The following IGSF9B variants were observed in gnomAD, a reference collection of about 807,000 sequenced individuals.
The protein encoded by IGSF9B is immunoglobulin superfamily member 9B.
Under a neutral mutation model 143.7 loss-of-function variants are expected in IGSF9B, and 48 were observed. The observed-to-expected ratio is 0.33, with a 90% confidence interval of 0.26 to 0.42. The LOEUF (loss-of-function observed/expected upper bound fraction) is 0.42. Among genes scored for constraint, IGSF9B ranks in the 20% least tolerant of loss-of-function variants. IGSF9B has a pLI of 1.00. For missense variants in IGSF9B, 1,706 were observed against 1,980.0 expected (o/e 0.86, Z 2.63); for synonymous variants, 903 against 833.1 (o/e 1.08, Z -1.44).
At chr11:133,932,354 ACAGG>A in intron 7 of IGSF9B, 141 bp from the exon 8 acceptor site, 3 of 814,004 alleles carry the variant, frequency 3.7e-6, no homozygotes, top group Non-Finnish European at 5.7e-6. Flanking sequence ...ACAGACAGAC[ACAGG>A]GACAGACAGA....
rs901280272 is a variant in IGSF9B, at chr11:133,904,616, C to T, written c.*4453G>A. 1.3e-5 allele frequency among the ~76,000 whole-genome samples: 2 copies of T among 152,014 alleles called. No homozygotes were observed. The highest frequency in any genetic ancestry group is 2.1e-4 in the South Asian group (1 of 4,814). On this transcript the variant is annotated 3_prime_UTR_variant, in exon 20 of 20. Coordinates refer to ENST00000533871, the MANE Select transcript of IGSF9B (RefSeq NM_001277285.4). ...AGATGCCCACCAGGCAATCATTCTT[C>T]GTCATCTTGGGATGATCCCCCAGTG...
At chr11:133,926,838 G>T (rs768131175) in intron 13 of IGSF9B, 78 bp downstream of exon 13, 3 of 1,264,110 alleles carry the variant, frequency 2.4e-6, no homozygotes, top group South Asian at 2.9e-5. Context: ...ACAGGAGGCC[G>T]ACTGCTATAG....
In IGSF9B at chr11:133,900,738, T is replaced by C. The variant is rs1281757459; in HGVS notation, c.*8331A>G. The C allele has an allele frequency of 1.3e-5, 2 of 152,238 alleles. No individual in the cohort carries two copies. The highest frequency in any genetic ancestry group is 3.8e-4 in the East Asian group (2 of 5,200). 9.4% of individuals were successfully genotyped at this position (152,238 alleles called of 1,614,324 possible). A position where few individuals can be genotyped will look rare whatever the true frequency, so the allele number is the denominator to read the frequency against. On this transcript the variant is annotated 3_prime_UTR_variant, in exon 20 of 20. Coordinates refer to ENST00000533871, the MANE Select transcript of IGSF9B (RefSeq NM_001277285.4). Reference sequence around the variant, plus strand: ...ATAACTGAAAAAAACATAGATGACATATTTATACTACATACCACATTCACA... The same window carrying C: ...ATAACTGAAAAAAACATAGATGACACATTTATACTACATACCACATTCACA...
Position 133,903,027 on chromosome 11 carries a change from G to A in IGSF9B, c.*6042C>T, listed in dbSNP as rs1287102804. Reference sequence around the variant, plus strand: ...TCCCCAGCCCAACCCCCTGCCCTCCGAGATTCCCTGCCCCTCCCACCACCT... The same window carrying A: ...TCCCCAGCCCAACCCCCTGCCCTCCAAGATTCCCTGCCCCTCCCACCACCT... On this transcript the variant is annotated 3_prime_UTR_variant, in exon 20 of 20. Transcript: ENST00000533871. Among the ~76,000 whole-genome samples, 10 of 138,660 alleles carry A rather than the reference G, an allele frequency of 7.2e-5. No homozygotes were observed. The East Asian group carries it at 8.8e-4, about 12-fold the overall frequency. The allele number at this position is 138,660 out of a possible 152,430, so 91.0% of individuals were successfully genotyped here. A position where few individuals can be genotyped will look rare whatever the true frequency, so the allele number is the denominator to read the frequency against.
chr11:133,937,708 C>G (rs1359941370), intron 4 of IGSF9B, 102 bp downstream of exon 4: 1 of 1,395,916 alleles, frequency 7.2e-7, no homozygotes, highest in Non-Finnish European at 9.8e-7. Flanking sequence ...CCAGCCTCCT[C>G]TGTGCTTGTG....
chr11:133,956,163 C>A (rs1206022946), intron 1 of IGSF9B, among the ~76,000 whole-genome samples: 1 of 152,054 alleles, frequency 6.6e-6, no homozygotes, highest in East Asian at 1.9e-4. Flanking sequence ...GGGGCGCGAG[C>A]GGAGCGATGG....
rs751122021 is a variant in IGSF9B, at chr11:133,919,983, A to G, written c.3742T>C (p.Ser1248Pro). Residue 1248 changes from serine (S) to proline (P), a missense_variant, in exon 18 of 20, where the codon TCT (serine) becomes CCT (proline). This residue lies in a region of IGSF9B where 880 missense variants were observed against 762.9 expected (regional missense o/e 1.15). Transcript: ENST00000533871. The part of the protein sequence containing the change: ...TLQPPAAVSF[S>P]RKSTPSTGSP... ...CCTGTGGACGGCGTAGACTTTCGAG[A>G]AAAGCTGACTGCAGCCGGCGGCTGC... The G allele has an allele frequency of 2.5e-6, 4 of 1,577,360 alleles. No individual in the cohort carries two copies. Among genetic ancestry groups the G allele is most frequent in the Non-Finnish European group, 3.4e-6 (4 of 1,161,930 alleles).
Position 133,921,180 on chromosome 11 carries a change from G to T in IGSF9B, c.2545C>A (p.Leu849Ile), listed in dbSNP as rs1224388994. The T allele has an allele frequency of 6.2e-7, 1 of 1,609,540 alleles. No homozygotes were observed. Among genetic ancestry groups the T allele is most frequent in the South Asian group, 1.1e-5 (1 of 91,016 alleles). ...AEAEATTPIE[L>I]ISRGPDGRFV... ...CGGCCGTCAGGGCCTCTGCTGATGAGCTCGATGGGCGTGGTGGCCTCTGCC... is the reference window on the plus strand; with the variant it reads ...CGGCCGTCAGGGCCTCTGCTGATGATCTCGATGGGCGTGGTGGCCTCTGCC... Residue 849 changes from leucine to isoleucine, a missense_variant, in exon 18 of 20, where the codon CTC becomes ATC. By Grantham distance (5) the Leu-to-Ile change is conservative. Around this residue, in one of 7 missense-constraint regions of IGSF9B, gnomAD observed 135 missense variants for 181.3 expected, o/e 0.74. Transcript: ENST00000533871.
At position 133,938,604 on chromosome 11, in the gene IGSF9B, G is replaced by A. The variant is rs139779807; in HGVS notation, c.410-643C>T. Among the ~76,000 whole-genome samples, 11 of 152,196 alleles carry A rather than the reference G, an allele frequency of 7.2e-5. No homozygotes were observed. In the South Asian group the frequency reaches 1.5e-3, roughly 20 times the overall value. On this transcript the variant is annotated intron_variant, in intron 3 of 19. Coordinates refer to ENST00000533871, the MANE Select transcript of IGSF9B (RefSeq NM_001277285.4). Reference sequence around the variant, plus strand: ...AAAACTCCATCCTGTTTGGGTAATCGGCTTTTCACAGACTCAGTCCCATTT... The same window carrying A: ...AAAACTCCATCCTGTTTGGGTAATCAGCTTTTCACAGACTCAGTCCCATTT...
At position 133,928,720 on chromosome 11, in the gene IGSF9B, C is replaced by T. The variant is rs1269108778; in HGVS notation, c.1631+951G>A. Among the ~76,000 whole-genome samples, 4 of 151,890 alleles carry T rather than the reference C, an allele frequency of 2.6e-5. No homozygotes were observed. Among genetic ancestry groups the T allele is most frequent in the Non-Finnish European group, 5.9e-5 (4 of 67,944 alleles). Reference sequence around the variant, plus strand: ...GGCAGCCCTTGGGGGTGGGAGGAGTCAGCTAGGCTTCCTTCTCCTCCCTTC... The same window carrying T: ...GGCAGCCCTTGGGGGTGGGAGGAGTTAGCTAGGCTTCCTTCTCCTCCCTTC... On this transcript the variant is annotated intron_variant, in intron 12 of 19. Coordinates refer to ENST00000533871, the MANE Select transcript of IGSF9B (RefSeq NM_001277285.4). This position sits in a 1 kb window ranked among gnomAD's most constrained non-coding sequence, Gnocchi z 4.7.
chr11:133,935,641 C>T lies in IGSF9B; in HGVS notation c.943G>A (p.Ala315Thr), dbSNP rs1159448590. ...PSNSLGRSPS[A>T]SAYLTVQYPA... ...CACTGCACGGTCAGGTACGCCGAGG[C>T]GGAGGGGGAGCGCCCCAGGCTGTTG... The change falls in exon 7 of 20, where the codon GCC (alanine) becomes ACC (threonine). Residue 315 changes from alanine to threonine, a missense_variant. By Grantham distance (58) the Ala-to-Thr change is moderately conservative. This residue lies in a region of IGSF9B where 238 missense variants were observed against 452.6 expected (regional missense o/e 0.53). Transcript: ENST00000533871. 4 of 1,610,636 alleles carry T rather than the reference C, an allele frequency of 2.5e-6. No homozygotes were observed. Among genetic ancestry groups the T allele is most frequent in the Non-Finnish European group, 2.5e-6 (3 of 1,178,792 alleles).
At chr11:133,912,110 G>A (rs749323746) in intron 18 of IGSF9B, 103 bp from the exon 19 acceptor site, 14 of 1,361,722 alleles carry the variant, frequency 1.0e-5, no homozygotes, top group Non-Finnish European at 1.2e-5. Context: ...GAAGGACAGA[G>A]TTCAGTCCTA....
chr11:133,896,644 T>C lies in IGSF9B; in HGVS notation c.*12425A>G, dbSNP rs1939022141. ...TATGCACGTGTTTGCTCATTTTGAT[T>C]TGTAATTCAGGATATGAACATGCAG... is the stretch of plus-strand genomic sequence containing the variant. On this transcript the variant is annotated 3_prime_UTR_variant, in exon 20 of 20. Transcript: ENST00000533871. 6.6e-6 allele frequency: 1 copy of C among 152,210 alleles called. No individual in the cohort carries two copies. Among genetic ancestry groups the C allele is most frequent in the Non-Finnish European group, 1.5e-5 (1 of 68,038 alleles). The allele number at this position is 152,210 out of a possible 1,614,324, so 9.4% of individuals were successfully genotyped here.
chr11:133,914,412 C>G (rs1395973113), intron 18 of IGSF9B, among the ~76,000 whole-genome samples: 2 of 152,236 alleles, frequency 1.3e-5, no homozygotes, highest in Non-Finnish European at 2.9e-5. Context: ...AGAAATAGAT[C>G]TGCCTTGCAA....
chr11:133,951,177 C>CG (rs1408814849), intron 1 of IGSF9B, among the ~76,000 whole-genome samples: 2 of 152,120 alleles, frequency 1.3e-5, no homozygotes, highest in Non-Finnish European at 2.9e-5. Flanking sequence ...GACGAGGCGG[C>CG]GGGGGAGAGA....
In IGSF9B at chr11:133,904,785, C is replaced by G. The variant is rs1939188325; in HGVS notation, c.*4284G>C. On this transcript the variant is annotated 3_prime_UTR_variant, in exon 20 of 20. Coordinates refer to ENST00000533871, the MANE Select transcript of IGSF9B (RefSeq NM_001277285.4). ...CCCTTCCAGCCTCACCAACACCTGG[C>G]AAAGCACACAGGCCTCCCCTCCACC... is the stretch of plus-strand genomic sequence containing the variant. Among the ~76,000 whole-genome samples, 1 of 151,894 alleles carries G rather than the reference C, an allele frequency of 6.6e-6. No homozygotes were observed. The highest frequency in any genetic ancestry group is 2.1e-4 in the South Asian group (1 of 4,816).
chr11:133,901,943 A>ACCC lies in IGSF9B; in HGVS notation c.*7125_*7126insGGG, dbSNP rs1555082676. Reference sequence around the variant, plus strand: ...ACACACCAAACCACACAACACACACACACATCACACACATGCACACCGCAT... The same window carrying ACCC: ...ACACACCAAACCACACAACACACACACCCCACATCACACACATGCACACCGCAT... On this transcript the variant is annotated 3_prime_UTR_variant, in exon 20 of 20. Coordinates refer to ENST00000533871, the MANE Select transcript of IGSF9B (RefSeq NM_001277285.4). Among the ~76,000 whole-genome samples the ACCC allele has an allele frequency of 7.9e-6, 1 of 126,116 alleles. No homozygotes were observed. Among genetic ancestry groups the ACCC allele is most frequent in the Non-Finnish European group, 1.7e-5 (1 of 59,432 alleles). 82.7% of individuals were successfully genotyped at this position (126,116 alleles called of 152,430 possible). A position where few individuals can be genotyped will look rare whatever the true frequency, so the allele number is the denominator to read the frequency against.
At chr11:133,918,361 A>G (rs2121282950) in intron 18 of IGSF9B, among the ~76,000 whole-genome samples, 1 of 152,172 alleles carries the variant, frequency 6.6e-6, no homozygotes, top group South Asian at 2.1e-4. Context: ...CCGCCCACGC[A>G]CACCCAGAGG....
At chr11:133,942,980 T>A (rs1939978485) in intron 3 of IGSF9B, among the ~76,000 whole-genome samples, 1 of 152,130 alleles carries the variant, frequency 6.6e-6, no homozygotes, top group Non-Finnish European at 1.5e-5. Flanking sequence ...AAATATAACA[T>A]ATTCCGTTCT....
Sources: allele counts gnomAD v4.1 joint callset (sites outside exome capture counted in the v4.1 genomes callset), GRCh38; gene constraint gnomAD v4.1.1; regional missense constraint gnomAD v4.1.1; non-coding constraint Gnocchi (gnomAD v3.1); transcripts MANE v1.5; gene names NCBI Gene and HGNC (gene_info 2026-07-23, HGNC 2026-07-21).